The following FBXO31 variants were observed in gnomAD, a reference collection of about 807,000 sequenced individuals.
The protein encoded by FBXO31 is F-box only protein 31.
In FBXO31, 24 loss-of-function variants were observed where a neutral mutation model predicts 54.4. The observed-to-expected ratio is 0.44, with a 90% CI of 0.32 to 0.62. The LOEUF (loss-of-function observed/expected upper bound fraction) is 0.62, where lower values mean the gene tolerates loss of function less well. FBXO31 is among the 20% of genes least tolerant of loss of function. The pLI, the probability that FBXO31 is intolerant of heterozygous loss-of-function variation, is 0.05. For synonymous variants in FBXO31, 388 were observed against 335.6 expected, an observed-to-expected ratio of 1.16 and a Z score of -1.71; for missense variants, 665 against 787.1, an observed-to-expected ratio of 0.84 and a Z score of 1.86.
chr16:87,346,734 C>T lies in FBXO31; in HGVS notation c.489+440G>A, dbSNP rs937605507. ...CGTTCGAGAGGCTCCAGTAGGAGGG[C>T]ACAGGGGGCGGGAGGCAGGGTGGTC... On this transcript the variant is annotated intron_variant, in intron 3 of 8. Transcript: ENST00000311635. This position sits in a 1 kb window ranked among gnomAD's most constrained non-coding sequence, Gnocchi z 4.2. Among the ~76,000 whole-genome samples, 29 of 152,158 alleles carry T rather than the reference C, an allele frequency of 1.9e-4. No individual in the cohort carries two copies. The highest frequency in any genetic ancestry group is 1.6e-3 in the Admixed American group (24 of 15,276).
rs1597359553 is a variant in FBXO31 at position 87,338,131 on chromosome 16, G to T, written c.733-1867C>A. Among the ~76,000 whole-genome samples, 2 of 151,908 alleles carry T rather than the reference G, an allele frequency of 1.3e-5. No homozygotes were observed. Among genetic ancestry groups the T allele is most frequent in the African/African-American group, 4.8e-5 (2 of 41,332 alleles). ...CCATGACCTCGCTTTACATAAAGAGGTCCAAGCAACGGGACCACCAACCAG... is the reference window on the plus strand; with the variant it reads ...CCATGACCTCGCTTTACATAAAGAGTTCCAAGCAACGGGACCACCAACCAG... On this transcript the variant is annotated intron_variant, in intron 5 of 8. Transcript: ENST00000311635. The surrounding 1 kb of genome is among the most constrained non-coding windows in gnomAD (Gnocchi z 4.3).
chr16:87,382,573 T>G (rs1907126555), intron 1 of FBXO31, among the ~76,000 whole-genome samples: 1 of 152,172 alleles, frequency 6.6e-6, no homozygotes. Flanking sequence ...TCCATCCGTC[T>G]CTCTACGCCC....
At chr16:87,380,839 C>A (rs897957574) in intron 1 of FBXO31, among the ~76,000 whole-genome samples, 1 of 152,224 alleles carries the variant, frequency 6.6e-6, no homozygotes, top group Non-Finnish European at 1.5e-5. Flanking sequence ...TCCATCAGGA[C>A]TTTTCACATT....
At position 87,344,262 on chromosome 16, in the gene FBXO31, A is replaced by G. The variant is rs566930994; in HGVS notation, c.490-497T>C. Among the ~76,000 whole-genome samples, 5 of 152,358 alleles carry G rather than the reference A, an allele frequency of 3.3e-5. No homozygotes were observed. In the South Asian group the frequency reaches 1.0e-3, roughly 32 times the overall value. On this transcript the variant is annotated intron_variant, in intron 3 of 8. Coordinates refer to ENST00000311635, the MANE Select transcript of FBXO31 (RefSeq NM_024735.5). ...CGGAGGGACGGACAGCTGAAATGCC[A>G]CGGGCCTGGGATTTGCTTCAAAACC...
intron 5 of FBXO31, 81 bp downstream of exon 5, chr16:87,342,796 C>A: frequency 8.0e-7 from 1 of 1,253,658 alleles, no homozygotes; most frequent in South Asian, 1.5e-5. Flanking sequence ...GCTGACTTCT[C>A]TCCCGCATGG....
At chr16:87,369,043 C>G (rs1453145249) in intron 1 of FBXO31, among the ~76,000 whole-genome samples, 2 of 152,150 alleles carry the variant, frequency 1.3e-5, no homozygotes, top group Non-Finnish European at 2.9e-5. Flanking sequence ...CCTGCCTCGG[C>G]CTCCCAAAGT....
upstream of FBXO31, among the ~76,000 whole-genome samples, chr16:87,390,069 T>C (rs1284040711): frequency 6.6e-6 from 1 of 151,982 alleles, no homozygotes; most frequent in Non-Finnish European, 1.5e-5. Context: ...TCACCTGAGG[T>C]CGGGAGTTCA....
Position 87,331,164 on chromosome 16 carries a change from C to A in FBXO31, c.*124G>T, listed in dbSNP as rs181561477. 1.8e-5 allele frequency: 16 copies of A among 871,846 alleles called. No homozygotes were observed. Among genetic ancestry groups the A allele is most frequent in the Middle Eastern group, 6.4e-4 (2 of 3,142 alleles). The allele number at this position is 871,846 out of a possible 1,614,324, so 54.0% of individuals were successfully genotyped here. A position where few individuals can be genotyped will look rare whatever the true frequency, so the allele number is the denominator to read the frequency against. ...AGTGCTGGGGGGTGGCTGGACTGGG[C>A]CCCCCGACGAGGTGTGCGTTCTGGT... On this transcript the variant is annotated 3_prime_UTR_variant, in exon 9 of 9. Transcript: ENST00000311635.
At chr16:87,359,621 G>A (rs572314474) in intron 2 of FBXO31, among the ~76,000 whole-genome samples, 6 of 152,346 alleles carry the variant, frequency 3.9e-5, no homozygotes, top group East Asian at 3.9e-4. Flanking sequence ...AGAATGGTCA[G>A]AAGATGAAAA....
upstream of FBXO31, among the ~76,000 whole-genome samples, chr16:87,390,117 C>G (rs2150705912): frequency 6.6e-6 from 1 of 152,266 alleles, no homozygotes; most frequent in South Asian, 2.1e-4. Flanking sequence ...CCTCTCTCTA[C>G]TACAAATACA....
chr16:87,356,561 G>A (rs1031147485), intron 2 of FBXO31, among the ~76,000 whole-genome samples: 16 of 152,166 alleles, frequency 1.1e-4, no homozygotes, highest in South Asian at 4.1e-4. Context: ...GTTAGCAGGC[G>A]TGTAAAGGGT....
intron 5 of FBXO31, among the ~76,000 whole-genome samples, chr16:87,342,107 C>A (rs1905213549): frequency 6.6e-6 from 1 of 152,144 alleles, no homozygotes; most frequent in African/African-American, 2.4e-5. Flanking sequence ...ACTCTGCCAC[C>A]CACATGGGAG....
chr16:87,388,576 A>G (rs1278384667), upstream of FBXO31: 1 of 152,212 alleles, frequency 6.6e-6, no homozygotes, highest in African/African-American at 2.4e-5. Context: ...TGCCGTCCAT[A>G]TTGAGTGTGG....
chr16:87,378,225 G>C (rs1343407041), intron 1 of FBXO31, among the ~76,000 whole-genome samples: 1 of 149,708 alleles, frequency 6.7e-6, no homozygotes, highest in Non-Finnish European at 1.5e-5. Context: ...ACAAATCAAA[G>C]AAAGGAAAAA....
At chr16:87,351,802 G>A (rs1022765038) in intron 2 of FBXO31, among the ~76,000 whole-genome samples, 2 of 152,160 alleles carry the variant, frequency 1.3e-5, no homozygotes, top group Admixed American at 6.5e-5. Context: ...CCAGGAGGCG[G>A]AGGTTGAAGT....
At chr16:87,339,233 T>C (rs1905120740) in intron 5 of FBXO31, among the ~76,000 whole-genome samples, 2 of 152,162 alleles carry the variant, frequency 1.3e-5, no homozygotes, top group African/African-American at 4.8e-5. Context: ...TTCACCTCAG[T>C]TGTGAAAATT....
chr16:87,375,660 T>C (rs11645617), intron 1 of FBXO31, among the ~76,000 whole-genome samples: 79,797 of 151,952 alleles, frequency 0.53, 22,960 homozygotes, highest in African/African-American at 0.68. Context: ...CTTCTTTATA[T>C]TCCTCAGGCA....
chr16:87,381,881 G>A (rs544628608), intron 1 of FBXO31, among the ~76,000 whole-genome samples: 1 of 151,912 alleles, frequency 6.6e-6, no homozygotes, highest in East Asian at 1.9e-4. Context: ...AAAATTAGCC[G>A]GGCACGGTGG....
chr16:87,361,205 T>A (rs1022562920), intron 1 of FBXO31, among the ~76,000 whole-genome samples: 13 of 152,340 alleles, frequency 8.5e-5, no homozygotes, highest in African/African-American at 3.1e-4. Context: ...ATGCTGGGCA[T>A]CACCTCACTG....
Sources: gnomAD v4.1 joint callset for allele counts (sites outside exome capture counted in the v4.1 genomes callset) on GRCh38, gnomAD v4.1.1 for gene constraint, Gnocchi (gnomAD v3.1) non-coding constraint, MANE v1.5 for transcripts, NCBI Gene and HGNC (gene_info 2026-07-23, HGNC 2026-07-21) for gene names.